The following CCDC73 variants were observed in gnomAD, a reference collection of about 807,000 sequenced individuals.
CCDC73 encodes coiled-coil domain containing 73.
A neutral mutation model predicts 116.5 loss-of-function variants in CCDC73; 95 were observed. The observed-to-expected ratio is 0.82, with a 90% CI of 0.69 to 0.97. CCDC73 has a LOEUF of 0.97. Among genes scored for constraint, CCDC73 ranks in the 50% least tolerant of loss-of-function variants. The pLI is 0.00. For missense variants in CCDC73, 1,066 were observed against 1,206.8 expected (o/e 0.88, Z 1.73); for synonymous variants, 398 against 401.3 (o/e 0.99, Z 0.10).
At chr11:32,627,133 A>C (rs527312051) in intron 14 of CCDC73, among the ~76,000 whole-genome samples, 1 of 152,328 alleles carries the variant, frequency 6.6e-6, no homozygotes, top group South Asian at 2.1e-4. Context: ...GAAAAAAACA[A>C]ACAACCCCAT....
chr11:32,755,829 G>A (rs1417553082), intron 2 of CCDC73, among the ~76,000 whole-genome samples: 1 of 130,376 alleles, frequency 7.7e-6, no homozygotes, highest in Non-Finnish European at 1.6e-5. Context: ...ATATATGTGT[G>A]TGTATATATC....
chr11:32,674,068 A>T (rs1856062868), intron 9 of CCDC73, among the ~76,000 whole-genome samples: 1 of 152,178 alleles, frequency 6.6e-6, no homozygotes, highest in South Asian at 2.1e-4. Context: ...GGCCCAGCTC[A>T]ACAGGAAGTC....
At position 32,614,756 on chromosome 11, in the gene CCDC73, C is replaced by T; in HGVS notation, c.1562G>A (p.Cys521Tyr). 6.2e-7 allele frequency: 1 copy of T among 1,613,070 alleles called. No individual in the cohort carries two copies. The highest frequency in any genetic ancestry group is 1.1e-5 in the South Asian group (1 of 91,026). ...TGTACATCCATTGTCTTTTTCCAAG[C>T]ATATCTTGTCTTTTATTTCTGTAGT... Reference protein sequence around the residue: ...SVTTEIKDKICLEKDNGCTEF... With the variant: ...SVTTEIKDKIYLEKDNGCTEF... The change falls in exon 16 of 18, where the codon TGC becomes TAC. Residue 521 changes from cysteine (C) to tyrosine (Y), a missense_variant. By Grantham distance (194) the Cys-to-Tyr change is radical (BLOSUM62 -2). Coordinates refer to ENST00000335185, the MANE Select transcript of CCDC73 (RefSeq NM_001008391.4).
intron 14 of CCDC73, among the ~76,000 whole-genome samples, chr11:32,625,837 A>G (rs1445439228): frequency 1.3e-5 from 2 of 151,922 alleles, no homozygotes; most frequent in African/African-American, 4.8e-5. Flanking sequence ...TCTCAAACTA[A>G]TAAGAGCTAT....
At chr11:32,683,256 T>A (rs1856164370) in intron 7 of CCDC73, 1 of 385,662 alleles carries the variant, frequency 2.6e-6, no homozygotes, top group African/African-American at 2.1e-5. Context: ...ATGTTGACAC[T>A]CAAAAAGTTT....
chr11:32,777,419 T>C (rs893418864), intron 1 of CCDC73, among the ~76,000 whole-genome samples: 1 of 152,072 alleles, frequency 6.6e-6, no homozygotes, highest in African/African-American at 2.4e-5. Flanking sequence ...CTGTGTAACC[T>C]TGAAGAAATA....
chr11:32,789,026 T>C (rs1050690156), intron 1 of CCDC73, among the ~76,000 whole-genome samples: 2 of 152,214 alleles, frequency 1.3e-5, no homozygotes, highest in South Asian at 2.1e-4. Flanking sequence ...ATTGCAAAAA[T>C]AGTTATAATT....
At chr11:32,688,044 T>C (rs1046248971) in intron 6 of CCDC73, among the ~76,000 whole-genome samples, 1 of 152,166 alleles carries the variant, frequency 6.6e-6, no homozygotes, top group African/African-American at 2.4e-5. Flanking sequence ...TGAGTCTATA[T>C]TGATATAAAT....
At chr11:32,708,800 G>A (rs1849875663) in intron 3 of CCDC73, among the ~76,000 whole-genome samples, 1 of 152,166 alleles carries the variant, frequency 6.6e-6, no homozygotes, top group East Asian at 1.9e-4. Flanking sequence ...GCCAGTTCTA[G>A]GAGCTTTTTG....
intron 9 of CCDC73, among the ~76,000 whole-genome samples, chr11:32,659,783 G>A (rs997346664): frequency 2.6e-5 from 4 of 152,040 alleles, no homozygotes; most frequent in African/African-American, 9.7e-5. Flanking sequence ...CTGGATACTC[G>A]ATATAGTTCA....
chr11:32,640,021 T>A (rs1000190322), intron 13 of CCDC73, among the ~76,000 whole-genome samples: 1 of 152,220 alleles, frequency 6.6e-6, no homozygotes, highest in Non-Finnish European at 1.5e-5. Context: ...TTTATCAGTA[T>A]CTTTGTTTTT....
At chr11:32,703,099 T>A (rs1849827778) in intron 3 of CCDC73, among the ~76,000 whole-genome samples, 155 bp from the exon 4 acceptor site, 1 of 152,200 alleles carries the variant, frequency 6.6e-6, no homozygotes, top group Non-Finnish European at 1.5e-5. Context: ...TTTATGATTA[T>A]TTTTTGAGAC....
At chr11:32,793,592 T>C (rs1450869107) in intron 1 of CCDC73, among the ~76,000 whole-genome samples, 1 of 149,980 alleles carries the variant, frequency 6.7e-6, no homozygotes, top group Admixed American at 6.8e-5. Flanking sequence ...ATTGCAGCAA[T>C]GACATGAATA....
the CCDC73 span, among the ~76,000 whole-genome samples, chr11:32,828,982 C>T: frequency 6.6e-6 from 1 of 152,074 alleles, no homozygotes; most frequent in Non-Finnish European, 1.5e-5. Context: ...AATCAAAGTA[C>T]AAAAGCAGTA....
At chr11:32,826,742 T>C in the CCDC73 span, among the ~76,000 whole-genome samples, 1 of 151,964 alleles carries the variant, frequency 6.6e-6, no homozygotes, top group Non-Finnish European at 1.5e-5. Flanking sequence ...ATATCCCTCT[T>C]TGTAAAATGA....
intron 2 of CCDC73, among the ~76,000 whole-genome samples, chr11:32,752,884 C>A (rs1361730660): frequency 6.6e-6 from 1 of 152,188 alleles, no homozygotes; most frequent in Non-Finnish European, 1.5e-5. Context: ...CTCACTGTAA[C>A]CCCGAACTGC....
chr11:32,812,735 G>A, the CCDC73 span, among the ~76,000 whole-genome samples: 2 of 151,920 alleles, frequency 1.3e-5, no homozygotes, highest in Non-Finnish European at 2.9e-5. Flanking sequence ...CTACTCAGGT[G>A]GCTGAGGTGG....
At chr11:32,763,669 C>T (rs1850413043) in intron 1 of CCDC73, among the ~76,000 whole-genome samples, 1 of 152,196 alleles carries the variant, frequency 6.6e-6, no homozygotes, top group South Asian at 2.1e-4. Flanking sequence ...GGGAAAAAAA[C>T]AGAGAAGAAA....
intron 7 of CCDC73, among the ~76,000 whole-genome samples, chr11:32,678,623 C>T (rs781256730): frequency 1.3e-5 from 2 of 152,004 alleles, no homozygotes; most frequent in Non-Finnish European, 2.9e-5. Context: ...TGGTGGCTCA[C>T]GTCTGTAATC....
Sources: allele counts gnomAD v4.1 joint callset (sites outside exome capture counted in the v4.1 genomes callset), GRCh38; gene constraint gnomAD v4.1.1; transcripts MANE v1.5; gene names NCBI Gene and HGNC (gene_info 2026-07-23, HGNC 2026-07-21).